Variants in IL18R1 observed in about 807,000 individuals in gnomAD.
The protein encoded by IL18R1 is interleukin 18 receptor 1, also known as interleukin-18 receptor 1.
IL18R1 carries 40 observed loss-of-function variants against 48.5 expected under a neutral mutation model. The observed-to-expected ratio is 0.82, with a 90% CI of 0.64 to 1.07. The LOEUF (loss-of-function observed/expected upper bound fraction) is 1.07. IL18R1 is among the 50% of genes least tolerant of loss of function. The probability of loss-of-function intolerance (pLI) is 0.00; values close to 1 mark genes in which losing one functional copy is unlikely to be tolerated. For synonymous variants in IL18R1, 232 were observed against 225.9 expected, an observed-to-expected ratio of 1.03 and a Z score of -0.24; for missense variants, 596 against 633.7, an observed-to-expected ratio of 0.94 and a Z score of 0.64.
chr2:102,373,343 AGAAAACTAACACAG>A (rs1366455804), intron 4 of IL18R1, among the ~76,000 whole-genome samples: 1 of 152,184 alleles, frequency 6.6e-6, no homozygotes, highest in East Asian at 1.9e-4. Context: ...CATCATTCTC[AGAAAACTAACACAG>A]GAATAGAAAA....
At chr2:102,375,843 T>A in intron 4 of IL18R1, 64 bp from the exon 5 acceptor site, 1 of 1,094,704 alleles carries the variant, frequency 9.1e-7, no homozygotes, top group Admixed American at 3.4e-5. Flanking sequence ...CTCAAAAATT[T>A]GGATCACTGT....
chr2:102,381,513 A>G (rs577872129), intron 5 of IL18R1, 107 bp from the exon 6 acceptor site: 1 of 800,280 alleles, frequency 1.2e-6, no homozygotes, highest in South Asian at 1.5e-5. Context: ...TAAACCAGTA[A>G]CTATTGGAAT....
intron 5 of IL18R1, among the ~76,000 whole-genome samples, 190 bp from the exon 6 acceptor site, chr2:102,381,430 G>A (rs1679911006): frequency 6.6e-6 from 1 of 152,140 alleles, no homozygotes. Context: ...AGATCTGAGT[G>A]AGAGAAAACC....
rs1169252198 is a variant in IL18R1 at position 102,377,471 on chromosome 2, C to T, written c.625+1408C>T. On this transcript the variant is annotated intron_variant, in intron 5 of 10. Coordinates refer to ENST00000233957, the MANE Select transcript of IL18R1 (RefSeq NM_003855.5). ...CTGGGACTACAGGCACCCGCCACCA[C>T]TCCCGGCTAATTTTTATATTTTTTT... Among the ~76,000 whole-genome samples the T allele has an allele frequency of 2.0e-5, 3 of 152,140 alleles. No individual in the cohort carries two copies. In the East Asian group the frequency reaches 5.8e-4, roughly 29 times the overall value.
At chr2:102,370,430 T>C (rs1679183652) in intron 3 of IL18R1, among the ~76,000 whole-genome samples, 2 of 152,302 alleles carry the variant, frequency 1.3e-5, no homozygotes, top group South Asian at 4.1e-4. Flanking sequence ...AAAACACACT[T>C]GAGAAGAAGG....
At chr2:102,373,298 A>G (rs1237980018) in intron 4 of IL18R1, among the ~76,000 whole-genome samples, 3 of 152,164 alleles carry the variant, frequency 2.0e-5, no homozygotes, top group Admixed American at 1.3e-4. Context: ...GCATGAGTTC[A>G]TGTCTTTTGT....
At chr2:102,380,163 C>CG (rs1333577825) in intron 5 of IL18R1, among the ~76,000 whole-genome samples, 1 of 151,236 alleles carries the variant, frequency 6.6e-6, no homozygotes, top group Non-Finnish European at 1.5e-5. Context: ...GGTAGGCTGG[C>CG]CATGTCAAGG....
intron 3 of IL18R1, among the ~76,000 whole-genome samples, chr2:102,369,632 G>C (rs2105055003): frequency 6.6e-6 from 1 of 152,312 alleles, no homozygotes; most frequent in Admixed American, 6.5e-5. Context: ...TTCAAATATA[G>C]CATAATTAGT....
At chr2:102,369,869 T>G (rs1243811960) in intron 3 of IL18R1, among the ~76,000 whole-genome samples, 1 of 152,152 alleles carries the variant, frequency 6.6e-6, no homozygotes, top group Non-Finnish European at 1.5e-5. Flanking sequence ...CCCACCAAAT[T>G]TTAAGAACGA....
Position 102,355,915 on chromosome 2 carries a change from G to C in IL18R1, c.-514G>C, listed in dbSNP as rs1263586747. 1 of 152,238 alleles carries C rather than the reference G, an allele frequency of 6.6e-6. No homozygotes were observed. The highest frequency in any genetic ancestry group is 1.5e-5 in the Non-Finnish European group (1 of 68,094). The allele number at this position is 152,238 out of a possible 1,614,324, so 9.4% of individuals were successfully genotyped here. On this transcript the variant is annotated 5_prime_UTR_variant, in exon 1 of 11. Coordinates refer to ENST00000233957, the MANE Select transcript of IL18R1 (RefSeq NM_003855.5). ...AACCTTTGGACCCCGCGATCCAGTA[G>C]CTCCGGTAACTCCACGCGGGGCGTC...
chr2:102,363,399 G>A (rs1260550576), intron 2 of IL18R1, among the ~76,000 whole-genome samples: 1 of 152,084 alleles, frequency 6.6e-6, no homozygotes, highest in African/African-American at 2.4e-5. Flanking sequence ...GCTGAATTAA[G>A]CTTTTGGTAC....
intron 1 of IL18R1, among the ~76,000 whole-genome samples, chr2:102,356,735 C>T (rs1376412498): frequency 6.6e-6 from 1 of 152,050 alleles, no homozygotes; most frequent in African/African-American, 2.4e-5. Context: ...TCCTAAGGGC[C>T]ACATGAAATA....
chr2:102,378,177 A>C (rs1213092547), intron 5 of IL18R1, among the ~76,000 whole-genome samples: 3 of 152,150 alleles, frequency 2.0e-5, no homozygotes, highest in Admixed American at 2.0e-4. Flanking sequence ...CCATTATTAA[A>C]AGGGTGCTTG....
At chr2:102,358,497 A>G (rs1197441324) in intron 1 of IL18R1, among the ~76,000 whole-genome samples, 1 of 152,216 alleles carries the variant, frequency 6.6e-6, no homozygotes, top group Non-Finnish European at 1.5e-5. Flanking sequence ...GTGTGTGTAC[A>G]CACACGTACG....
At chr2:102,373,184 G>C (rs1480080197) in intron 4 of IL18R1, among the ~76,000 whole-genome samples, 1 of 151,946 alleles carries the variant, frequency 6.6e-6, no homozygotes, top group Non-Finnish European at 1.5e-5. Flanking sequence ...CAATTTTGTG[G>C]GTTGCCTGTT....
At chr2:102,369,920 C>A (rs1430409844) in intron 3 of IL18R1, among the ~76,000 whole-genome samples, 1 of 152,154 alleles carries the variant, frequency 6.6e-6, no homozygotes, top group Non-Finnish European at 1.5e-5. Context: ...GGATAGTTTT[C>A]AATGATAGAG....
intron 1 of IL18R1, among the ~76,000 whole-genome samples, chr2:102,359,287 A>G (rs1678440834): frequency 2.0e-5 from 3 of 152,226 alleles, no homozygotes; most frequent in Non-Finnish European, 4.4e-5. Context: ...TAAAAACAAA[A>G]CAAAACAATA....
chr2:102,385,313 A>G (rs913612315), intron 7 of IL18R1, among the ~76,000 whole-genome samples: 1 of 152,202 alleles, frequency 6.6e-6, no homozygotes, highest in African/African-American at 2.4e-5. Context: ...AGCTTCTTAG[A>G]AAAGGGCAGT....
intron 5 of IL18R1, 97 bp from the exon 6 acceptor site, chr2:102,381,523 T>C (rs1679917004): frequency 1.1e-6 from 1 of 871,288 alleles, no homozygotes; most frequent in Non-Finnish European, 1.9e-6. Flanking sequence ...ACTATTGGAA[T>C]CTTTGTTACA....
Sources: gnomAD v4.1 joint callset for allele counts (sites outside exome capture counted in the v4.1 genomes callset) on GRCh38, gnomAD v4.1.1 for gene constraint, MANE v1.5 for transcripts, NCBI Gene and HGNC (gene_info 2026-07-23, HGNC 2026-07-21) for gene names.